The following POU2F1 variants were observed in gnomAD, a reference collection of about 807,000 sequenced individuals.
POU2F1 encodes POU domain, class 2, transcription factor 1.
Under a neutral mutation model 84.9 loss-of-function variants are expected in POU2F1, and 16 were observed. The observed-to-expected ratio is 0.19, with a 90% CI of 0.13 to 0.29. The LOEUF (loss-of-function observed/expected upper bound fraction) is 0.29. Among genes scored for constraint, POU2F1 ranks in the 10% least tolerant of loss-of-function variants. The probability of loss-of-function intolerance (pLI) is 1.00; values close to 1 mark genes in which losing one functional copy is unlikely to be tolerated. For missense variants in POU2F1, 738 were observed against 942.6 expected (o/e 0.78, Z 2.84); for synonymous variants, 368 against 368.3 (o/e 1.00, Z 0.01).
intron 7 of POU2F1, chr1:167,379,366 C>G (rs1266840101): frequency 1.3e-5 from 2 of 152,262 alleles, no homozygotes; most frequent in East Asian, 1.9e-4. Flanking sequence ...CATGTTGAAA[C>G]TTGGGTAGGG....
intron 1 of POU2F1, chr1:167,318,961 T>C (rs1178776255): frequency 1.3e-5 from 2 of 153,434 alleles, no homozygotes; most frequent in African/African-American, 2.4e-5. Flanking sequence ...ACCGCTATCA[T>C]AGCTATCATT....
chr1:167,397,991 C>T lies in POU2F1; in HGVS notation c.1130-3C>T. 2 of 1,608,820 alleles carry T rather than the reference C, an allele frequency of 1.2e-6. No homozygotes were observed. Among genetic ancestry groups the T allele is most frequent in the East Asian group, 2.2e-5 (1 of 44,842 alleles). On this transcript the variant is annotated splice_polypyrimidine_tract_variant and splice_region_variant and intron_variant, in intron 10 of 15. Coordinates refer to ENST00000367866, the MANE Select transcript of POU2F1 (RefSeq NM_002697.4). ...TATTTCTGTATTTTCTTCATTCTTA[C>T]AGAGAACCTCTCATCTGATTCGTCC...
intron 1 of POU2F1, among the ~76,000 whole-genome samples, chr1:167,265,720 CTG>C (rs1651897098): frequency 6.6e-6 from 1 of 151,142 alleles, no homozygotes; most frequent in South Asian, 2.1e-4. Flanking sequence ...TTGGCAATGA[CTG>C]GAGACATTTT....
chr1:167,388,251 G>C (rs544936823), intron 8 of POU2F1, among the ~76,000 whole-genome samples: 13 of 152,292 alleles, frequency 8.5e-5, no homozygotes, highest in Non-Finnish European at 1.6e-4. Context: ...TGAGTAGTAA[G>C]AGAAATACAA....
At chr1:167,352,385 T>C (rs1485153000) in intron 2 of POU2F1, among the ~76,000 whole-genome samples, 1 of 152,206 alleles carries the variant, frequency 6.6e-6, no homozygotes, top group Non-Finnish European at 1.5e-5. Flanking sequence ...TTCTACTACT[T>C]TGTCATCTTA....
intron 5 of POU2F1, among the ~76,000 whole-genome samples, chr1:167,372,344 C>G (rs1392711438): frequency 6.6e-6 from 1 of 152,170 alleles, no homozygotes; most frequent in Middle Eastern, 3.2e-3. Context: ...TGGTTGAGAT[C>G]ATTACACTGA....
At chr1:167,401,011 T>C (rs1649166258) in intron 12 of POU2F1, among the ~76,000 whole-genome samples, 1 of 152,194 alleles carries the variant, frequency 6.6e-6, no homozygotes, top group African/African-American at 2.4e-5. Flanking sequence ...CTAGAATTTT[T>C]TGTTATTTCA....
intron 6 of POU2F1, 105 bp from the exon 7 acceptor site, chr1:167,375,924 C>G (rs1660295791): frequency 1.5e-6 from 2 of 1,365,388 alleles, no homozygotes; most frequent in Admixed American, 1.9e-5. Flanking sequence ...GAAGTATTTA[C>G]TCTTCTTTAT....
At chr1:167,393,984 CATTTTATTTT>C (rs72197092) in intron 9 of POU2F1, among the ~76,000 whole-genome samples, 2,598 of 148,414 alleles carry the variant, frequency 0.018, 26 homozygotes, top group African/African-American at 0.039. Flanking sequence ...AATGAAGTAA[CATTTTATTTT>C]ATTTTATTTT....
intron 1 of POU2F1, chr1:167,241,691 G>T (rs1649915167): frequency 6.6e-6 from 1 of 152,092 alleles, no homozygotes; most frequent in Non-Finnish European, 1.5e-5. Context: ...AGCCCATTTG[G>T]TATGCTAAGC....
At chr1:167,229,552 A>G (rs769152341) in intron 1 of POU2F1, among the ~76,000 whole-genome samples, 1 of 152,194 alleles carries the variant, frequency 6.6e-6, no homozygotes, top group Non-Finnish European at 1.5e-5. Context: ...TGGCTTTGGC[A>G]CTGTCTTCTA....
At position 167,422,278 on chromosome 1, in the gene POU2F1, A is replaced by G. The variant is rs985416504; in HGVS notation, c.*6468A>G. The G allele has an allele frequency of 1.3e-5, 2 of 152,182 alleles. No homozygotes were observed. Among genetic ancestry groups the G allele is most frequent in the Admixed American group, 6.5e-5 (1 of 15,282 alleles). The allele number at this position is 152,182 out of a possible 1,614,324, so 9.4% of individuals were successfully genotyped here. On this transcript the variant is annotated 3_prime_UTR_variant, in exon 16 of 16. Transcript: ENST00000367866. Reference sequence around the variant, plus strand: ...CAGAGGCAGACATAGACATGCACCAATTAATTTGGAGCCAAGAGGTGAGTG... The same window carrying G: ...CAGAGGCAGACATAGACATGCACCAGTTAATTTGGAGCCAAGAGGTGAGTG...
At chr1:167,327,127 A>G (rs548200090) in intron 1 of POU2F1, among the ~76,000 whole-genome samples, 119 of 152,322 alleles carry the variant, frequency 7.8e-4, no homozygotes, top group African/African-American at 2.8e-3. Flanking sequence ...TTCTTATTTT[A>G]ATACAAAGTG....
intron 1 of POU2F1, among the ~76,000 whole-genome samples, chr1:167,222,116 G>A (rs951014814): frequency 2.0e-5 from 3 of 152,152 alleles, no homozygotes; most frequent in African/African-American, 7.2e-5. Context: ...AGCGCCCAGA[G>A]GCCTCCCGAG....
intron 1 of POU2F1, among the ~76,000 whole-genome samples, chr1:167,259,521 T>C (rs1222443595): frequency 1.3e-5 from 2 of 152,212 alleles, no homozygotes; most frequent in Non-Finnish European, 2.9e-5. Flanking sequence ...GCAATGCTGC[T>C]CAGAATAATC....
chr1:167,344,407 G>C (rs1262039515), intron 2 of POU2F1, among the ~76,000 whole-genome samples: 1 of 152,170 alleles, frequency 6.6e-6, no homozygotes, highest in Non-Finnish European at 1.5e-5. Context: ...GGTTTGGAAA[G>C]AAATTGCTGT....
intron 1 of POU2F1, among the ~76,000 whole-genome samples, chr1:167,295,857 G>T (rs893856730): frequency 6.6e-6 from 1 of 152,154 alleles, no homozygotes; most frequent in Non-Finnish European, 1.5e-5. Flanking sequence ...ATTTTTTGTT[G>T]TAATTGCAGG....
intron 1 of POU2F1, among the ~76,000 whole-genome samples, chr1:167,249,549 T>C (rs545889246): frequency 9.8e-5 from 15 of 152,324 alleles, no homozygotes; most frequent in South Asian, 8.3e-4. Flanking sequence ...GTGGAAAGTC[T>C]TGACAGGAAT....
intron 2 of POU2F1, among the ~76,000 whole-genome samples, chr1:167,348,789 A>C (rs1428990460): frequency 3.3e-5 from 5 of 152,106 alleles, no homozygotes; most frequent in African/African-American, 1.2e-4. Flanking sequence ...GTATCACCTC[A>C]TCTCTCCTAC....
Sources: gnomAD v4.1 joint callset for allele counts (sites outside exome capture counted in the v4.1 genomes callset) on GRCh38, gnomAD v4.1.1 for gene constraint, MANE v1.5 for transcripts, NCBI Gene and HGNC (gene_info 2026-07-23, HGNC 2026-07-21) for gene names.